Variants in TBX2 observed in about 807,000 individuals in gnomAD.
TBX2 encodes the protein T-box transcription factor TBX2.
TBX2 carries 19 observed loss-of-function variants against 48.4 expected under a neutral mutation model. That is an observed-to-expected ratio of 0.39 (90% CI 0.27 to 0.58). The LOEUF is 0.58. TBX2 is among the 20% of genes least tolerant of loss of function. TBX2 has a pLI of 0.54. For synonymous variants in TBX2, 522 were observed against 459.7 expected (o/e 1.14, Z -1.73); for missense variants, 994 against 1,006.5 (o/e 0.99, Z 0.17).
In TBX2 at chr17:61,408,474, G is replaced by A. The variant is rs1419996654; in HGVS notation, c.2107G>A (p.Ala703Thr). Reference protein sequence around the residue: ...RLVSGLESQRALSPGRESPK With the variant: ...RLVSGLESQRTLSPGRESPK ...GGTGAGTGGGCTGGAGAGCCAGCGA[G>A]CCCTCTCCCCAGGCCGGGAGTCGCC... is the stretch of plus-strand genomic sequence containing the variant. The change falls in exon 7 of 7, where the codon GCC (alanine) becomes ACC (threonine). Residue 703 changes from alanine (A) to threonine (T), a missense_variant. By Grantham distance (58) the Ala-to-Thr change is moderately conservative (BLOSUM62 0). Around this residue, in one of 5 missense-constraint regions of TBX2, gnomAD observed 639 missense variants for 613.2 expected, o/e 1.04. Transcript: ENST00000240328. 1.4e-6 allele frequency: 2 copies of A among 1,454,344 alleles called. No individual in the cohort carries two copies. Among genetic ancestry groups the A allele is most frequent in the Non-Finnish European group, 9.1e-7 (1 of 1,100,072 alleles). 90.1% of individuals were successfully genotyped at this position (1,454,344 alleles called of 1,614,324 possible). A position where few individuals can be genotyped will look rare whatever the true frequency, so the allele number is the denominator to read the frequency against.
In TBX2 at chr17:61,403,479, G is replaced by A. The variant is rs1387962169; in HGVS notation, c.810+272G>A. Among the ~76,000 whole-genome samples the A allele has an allele frequency of 6.6e-6, 1 of 152,274 alleles. No individual in the cohort carries two copies. Among genetic ancestry groups the A allele is most frequent in the Non-Finnish European group, 1.5e-5 (1 of 68,052 alleles). ...GATGGAGATGTTTACTTAACAATTA[G>A]CTGAGACTCCGGGCCCGCGCTGACA... On this transcript the variant is annotated intron_variant, in intron 3 of 6. Coordinates refer to ENST00000240328, the MANE Select transcript of TBX2 (RefSeq NM_005994.4). This position sits in a 1 kb window ranked among gnomAD's most constrained non-coding sequence, Gnocchi z 5.8.
In TBX2 at chr17:61,405,815, C is replaced by G; in HGVS notation, c.1665C>G (p.Ser555=). 1 of 1,323,788 alleles carries G rather than the reference C, an allele frequency of 7.6e-7. No homozygotes were observed. The highest frequency in any genetic ancestry group is 2.5e-4 in the Middle Eastern group (1 of 3,974). 82.0% of individuals were successfully genotyped at this position (1,323,788 alleles called of 1,614,324 possible). A position where few individuals can be genotyped will look rare whatever the true frequency, so the allele number is the denominator to read the frequency against. ...CCGCGCCCTTCCCGTTCCACCTCTC[C>G]CAGCACATGCTGGCATCTCAGGTAA... ...STAAPFPFHL[S]QHMLASQGIP... The change falls in exon 6 of 7, where the codon TCC becomes TCG. Residue 555 remains serine (S), a synonymous_variant. Coordinates refer to ENST00000240328, the MANE Select transcript of TBX2 (RefSeq NM_005994.4).
rs562156585 is a variant in TBX2, at chr17:61,406,311, G to A, written c.1686+475G>A. On this transcript the variant is annotated intron_variant, in intron 6 of 6. Coordinates refer to ENST00000240328, the MANE Select transcript of TBX2 (RefSeq NM_005994.4). This position sits in a 1 kb window ranked among gnomAD's most constrained non-coding sequence, Gnocchi z 5.7. ...GAAGGAACATTTGCATTATTTTCTGGACAGTTGACCACCAGCCCTCCCAGA... is the reference window on the plus strand; with the variant it reads ...GAAGGAACATTTGCATTATTTTCTGAACAGTTGACCACCAGCCCTCCCAGA... The A allele has an allele frequency of 1.0e-4, 16 of 153,722 alleles. No homozygotes were observed. Among genetic ancestry groups the A allele is most frequent in the Non-Finnish European group, 1.9e-4 (13 of 69,078 alleles). 9.5% of individuals were successfully genotyped at this position (153,722 alleles called of 1,614,324 possible). A position where few individuals can be genotyped will look rare whatever the true frequency, so the allele number is the denominator to read the frequency against.
Position 61,403,278 on chromosome 17 carries a change from T to C in TBX2, c.810+71T>C, listed in dbSNP as rs1054633764. On this transcript the variant is annotated intron_variant, in intron 3 of 6. Transcript: ENST00000240328. The surrounding 1 kb of genome is among the most constrained non-coding windows in gnomAD (Gnocchi z 5.8). The stretch of plus-strand genomic sequence containing the variant: ...CAACACGTGCAGGCCCAACCGTCCG[T>C]TCATCGCCCCTCGAAGCCCCCTGCA... The C allele has an allele frequency of 1.9e-6, 3 of 1,574,480 alleles. No individual in the cohort carries two copies. Among genetic ancestry groups the C allele is most frequent in the Non-Finnish European group, 2.6e-6 (3 of 1,169,002 alleles).
chr17:61,405,842 G>T lies in TBX2; in HGVS notation c.1686+6G>T. On this transcript the variant is annotated splice_donor_region_variant and intron_variant, in intron 6 of 6. Transcript: ENST00000240328. ...AGCACATGCTGGCATCTCAGGTAAG[G>T]CCTGTGACCCCGCGGCAGCGCCAGC... 1 of 1,301,770 alleles carries T rather than the reference G, an allele frequency of 7.7e-7. No homozygotes were observed. The highest frequency in any genetic ancestry group is 9.7e-7 in the Non-Finnish European group (1 of 1,031,144). The allele number at this position is 1,301,770 out of a possible 1,614,324, so 80.6% of individuals were successfully genotyped here.
Position 61,408,280 on chromosome 17 carries a change from C to A in TBX2, c.1913C>A (p.Thr638Asn). Residue 638 changes from threonine to asparagine, a missense_variant, in exon 7 of 7, where the codon ACC (threonine) becomes AAC (asparagine). Physicochemically the swap from Thr to Asn is moderately conservative, Grantham distance 65. Coordinates refer to ENST00000240328, the MANE Select transcript of TBX2 (RefSeq NM_005994.4). Reference protein sequence around the residue: ...VTIPPSTSLLTTGLASEGSKA... With the variant: ...VTIPPSTSLLNTGLASEGSKA... ...ATCCCGCCTAGCACTAGCCTCCTCA[C>A]CACCGGGCTGGCCTCTGAGGGCTCC... 6.2e-7 allele frequency: 1 copy of A among 1,612,762 alleles called. No individual in the cohort carries two copies. Among genetic ancestry groups the A allele is most frequent in the Non-Finnish European group, 8.5e-7 (1 of 1,179,916 alleles).
In TBX2 at chr17:61,400,040, G is replaced by A. The variant is rs1481145191; in HGVS notation, c.-137G>A. The A allele has an allele frequency of 1.8e-5, 5 of 283,742 alleles. No homozygotes were observed. Among genetic ancestry groups the A allele is most frequent in the Non-Finnish European group, 2.6e-5 (5 of 189,874 alleles). 17.6% of individuals were successfully genotyped at this position (283,742 alleles called of 1,614,324 possible). A position where few individuals can be genotyped will look rare whatever the true frequency, so the allele number is the denominator to read the frequency against. On this transcript the variant is annotated 5_prime_UTR_variant, in exon 1 of 7. Coordinates refer to ENST00000240328, the MANE Select transcript of TBX2 (RefSeq NM_005994.4). The surrounding 1 kb of genome is among the most constrained non-coding windows in gnomAD (Gnocchi z 9.2). ...GTGCCCCTTGCGGTGCGCCGGACGGGAAGCCCCGAGGAGCAGCTGCTGCGC... is the reference window on the plus strand; with the variant it reads ...GTGCCCCTTGCGGTGCGCCGGACGGAAAGCCCCGAGGAGCAGCTGCTGCGC...
rs756071658 is a variant in TBX2 at position 61,404,904 on chromosome 17, T to C, written c.1051+135T>C. 2.9e-6 allele frequency: 4 copies of C among 1,375,168 alleles called. No homozygotes were observed. In the Admixed American group the frequency reaches 5.9e-5, roughly 20 times the overall value. The allele number at this position is 1,375,168 out of a possible 1,614,324, so 85.2% of individuals were successfully genotyped here. ...CGTCGGCGAGTGTCTGGGATGGGGT[T>C]TCCGTCCCGGGACTCCCCTACGAGG... is the stretch of plus-strand genomic sequence containing the variant. On this transcript the variant is annotated intron_variant, in intron 5 of 6. Transcript: ENST00000240328.
At position 61,400,175 on chromosome 17, in the gene TBX2, C is replaced by A. The variant is rs765340485; in HGVS notation, c.-2C>A. 1.8e-6 allele frequency: 2 copies of A among 1,109,124 alleles called. No individual in the cohort carries two copies. Among genetic ancestry groups the A allele is most frequent in the African/African-American group, 3.4e-5 (2 of 59,602 alleles). The allele number at this position is 1,109,124 out of a possible 1,614,324, so 68.7% of individuals were successfully genotyped here. A position where few individuals can be genotyped will look rare whatever the true frequency, so the allele number is the denominator to read the frequency against. ...CCCCGGGCGCCTGGGCCGGATGTCCCGATGAGAGAGCCGGCGCTGGCGGCC... is the reference window on the plus strand; with the variant it reads ...CCCCGGGCGCCTGGGCCGGATGTCCAGATGAGAGAGCCGGCGCTGGCGGCC... On this transcript the variant is annotated 5_prime_UTR_variant, in exon 1 of 7. Transcript: ENST00000240328. The surrounding 1 kb of genome is among the most constrained non-coding windows in gnomAD (Gnocchi z 9.2).
rs957198486 is a variant in TBX2, at chr17:61,400,064, G to T, written c.-113G>T. 1.6e-5 allele frequency: 7 copies of T among 438,970 alleles called. No homozygotes were observed. The highest frequency in any genetic ancestry group is 1.8e-5 in the Non-Finnish European group (6 of 332,232). The allele number at this position is 438,970 out of a possible 1,614,324, so 27.2% of individuals were successfully genotyped here. On this transcript the variant is annotated 5_prime_UTR_variant, in exon 1 of 7. Coordinates refer to ENST00000240328, the MANE Select transcript of TBX2 (RefSeq NM_005994.4). The surrounding 1 kb of genome is among the most constrained non-coding windows in gnomAD (Gnocchi z 9.2). ...GGAAGCCCCGAGGAGCAGCTGCTGCGCCCGCCACCCGGGTCGTCCGTCCAC... is the reference window on the plus strand; with the variant it reads ...GGAAGCCCCGAGGAGCAGCTGCTGCTCCCGCCACCCGGGTCGTCCGTCCAC...
rs1450366449 is a variant in TBX2 at position 61,405,532 on chromosome 17, G to C, written c.1382G>C (p.Gly461Ala). ...CAGACAGACAGTGCGTCCCCCCTGG[G>C]CGCCGGACACCTGCCCGGCCTGGCC... ...VVQTDSASPL[G>A]AGHLPGLAFS... The change falls in exon 6 of 7, where the codon GGC becomes GCC. Residue 461 changes from glycine to alanine, a missense_variant. Transcript: ENST00000240328. 1.3e-6 allele frequency: 2 copies of C among 1,591,518 alleles called. No individual in the cohort carries two copies. The highest frequency in any genetic ancestry group is 1.7e-6 in the Non-Finnish European group (2 of 1,172,346).
In TBX2 at chr17:61,406,471, T is replaced by C. The variant is rs892167767; in HGVS notation, c.1686+635T>C. On this transcript the variant is annotated intron_variant, in intron 6 of 6. Transcript: ENST00000240328. The surrounding 1 kb of genome is among the most constrained non-coding windows in gnomAD (Gnocchi z 5.7). ...TGAGAACTCAGCTCTTCAGGCCCCA[T>C]TGAAATTCCAAGCTCCCAGGGGAGT... 2 of 152,104 alleles carry C rather than the reference T, an allele frequency of 1.3e-5. No homozygotes were observed. Among genetic ancestry groups the C allele is most frequent in the African/African-American group, 2.4e-5 (1 of 41,398 alleles). 9.4% of individuals were successfully genotyped at this position (152,104 alleles called of 1,614,324 possible).
In TBX2 at chr17:61,401,870, C is replaced by T; in HGVS notation, c.582C>T (p.Ala194=). ...TGTACATCCACCCAGACAGCCCAGC[C>T]ACGGGGGAGCAGTGGATGGCTAAGC... ...KRMYIHPDSP[A]TGEQWMAKPV... Residue 194 remains alanine, a synonymous_variant, in exon 2 of 7, where the codon GCC becomes GCT. Coordinates refer to ENST00000240328, the MANE Select transcript of TBX2 (RefSeq NM_005994.4). The T allele has an allele frequency of 6.2e-7, 1 of 1,613,048 alleles. No individual in the cohort carries two copies. The highest frequency in any genetic ancestry group is 8.5e-7 in the Non-Finnish European group (1 of 1,179,998).
In TBX2 at chr17:61,405,242, T is replaced by C. The variant is rs1432406972; in HGVS notation, c.1092T>C (p.Pro364=). ...GCGCCGCGGACAGCGACCCGGAGCCTGAGCGGTTGAGCGAGGAGCGTGCGG... is the reference window on the plus strand; with the variant it reads ...GCGCCGCGGACAGCGACCCGGAGCCCGAGCGGTTGAGCGAGGAGCGTGCGG... ...KSCAADSDPE[P]ERLSEERAGA... is the part of the protein sequence containing the mutation. The change falls in exon 6 of 7, where the codon CCT becomes CCC. Residue 364 remains proline, a synonymous_variant. Transcript: ENST00000240328. The C allele has an allele frequency of 6.4e-7, 1 of 1,570,206 alleles. No homozygotes were observed. The highest frequency in any genetic ancestry group is 8.6e-7 in the Non-Finnish European group (1 of 1,166,370).
Position 61,404,775 on chromosome 17 carries a change from G to A in TBX2, c.1051+6G>A. On this transcript the variant is annotated splice_donor_region_variant and intron_variant, in intron 5 of 6. Transcript: ENST00000240328. Reference sequence around the variant, plus strand: ...GCGCCTGCACCGGGCCCGAGGTGAGGGTCGGACCGGAGGAGGGACAGGGAG... The same window carrying A: ...GCGCCTGCACCGGGCCCGAGGTGAGAGTCGGACCGGAGGAGGGACAGGGAG... 1.3e-6 allele frequency: 2 copies of A among 1,543,964 alleles called. No individual in the cohort carries two copies. Among genetic ancestry groups the A allele is most frequent in the Non-Finnish European group, 8.7e-7 (1 of 1,148,848 alleles).
At chr17:61,404,012 C>T (rs734375) in intron 3 of TBX2, among the ~76,000 whole-genome samples, 11,319 of 152,206 alleles carry the variant, frequency 0.074, 1,348 homozygotes, top group African/African-American at 0.25. Context: ...TGTGTGCGAG[C>T]CCGTGAGTGT....
chr17:61,405,050 G>T, intron 5 of TBX2, 152 bp from the exon 6 acceptor site: 1 of 1,467,944 alleles, frequency 6.8e-7, no homozygotes, highest in Non-Finnish European at 9.2e-7. Flanking sequence ...TAAATCTGGG[G>T]TCTTGGATTA....
At position 61,406,154 on chromosome 17, in the gene TBX2, A is replaced by T. The variant is rs2060288162; in HGVS notation, c.1686+318A>T. 1 of 296,622 alleles carries T rather than the reference A, an allele frequency of 3.4e-6. No individual in the cohort carries two copies. The highest frequency in any genetic ancestry group is 5.5e-5 in the East Asian group (1 of 18,284). The allele number at this position is 296,622 out of a possible 1,614,324, so 18.4% of individuals were successfully genotyped here. Reference sequence around the variant, plus strand: ...TGCGGTGCCCATCGAGACTCTTCTCACCCTCACAGACCAGGGCCACCCCTG... The same window carrying T: ...TGCGGTGCCCATCGAGACTCTTCTCTCCCTCACAGACCAGGGCCACCCCTG... On this transcript the variant is annotated intron_variant, in intron 6 of 6. Coordinates refer to ENST00000240328, the MANE Select transcript of TBX2 (RefSeq NM_005994.4). The surrounding 1 kb of genome is among the most constrained non-coding windows in gnomAD (Gnocchi z 5.7).
In TBX2 at chr17:61,408,531, C is replaced by A; in HGVS notation, c.*25C>A. On this transcript the variant is annotated 3_prime_UTR_variant, in exon 7 of 7. Coordinates refer to ENST00000240328, the MANE Select transcript of TBX2 (RefSeq NM_005994.4). ...AGGGGCTGCCCAGCTGCTCCCCTGCCACGCAGGCCACCCGGGCTGCCTGCC... is the reference window on the plus strand; with the variant it reads ...AGGGGCTGCCCAGCTGCTCCCCTGCAACGCAGGCCACCCGGGCTGCCTGCC... 7.0e-7 allele frequency: 1 copy of A among 1,429,564 alleles called. No individual in the cohort carries two copies. Among genetic ancestry groups the A allele is most frequent in the Non-Finnish European group, 9.1e-7 (1 of 1,093,456 alleles). The allele number at this position is 1,429,564 out of a possible 1,614,324, so 88.6% of individuals were successfully genotyped here.
Sources: allele counts gnomAD v4.1 joint callset (sites outside exome capture counted in the v4.1 genomes callset), GRCh38; gene constraint gnomAD v4.1.1; regional missense constraint gnomAD v4.1.1; non-coding constraint Gnocchi (gnomAD v3.1); transcripts MANE v1.5; gene names NCBI Gene and HGNC (gene_info 2026-07-23, HGNC 2026-07-21).